Variants in AXDND1 observed in about 807,000 individuals in gnomAD.
AXDND1 encodes the protein axonemal dynein light chain domain containing 1.
AXDND1 carries 110 observed loss-of-function variants against 137.5 expected under a neutral mutation model. That is an observed-to-expected ratio of 0.80 (90% CI 0.69 to 0.94). AXDND1 has a LOEUF of 0.94. Ranked by LOEUF, AXDND1 falls within the 40% of genes least tolerant of loss-of-function variation. AXDND1 has a pLI of 0.00. For missense variants in AXDND1, 1,191 were observed against 1,169.8 expected (o/e 1.02, Z -0.26); for synonymous variants, 414 against 399.7 (o/e 1.04, Z -0.43).
At chr1:179,383,925 A>G (rs1487610643) in intron 8 of AXDND1, among the ~76,000 whole-genome samples, 1 of 152,240 alleles carries the variant, frequency 6.6e-6, no homozygotes, top group Non-Finnish European at 1.5e-5. Flanking sequence ...GGGTTTCACC[A>G]TGTTGGCCAG....
At chr1:179,391,861 G>A (rs1650259046) in intron 9 of AXDND1, among the ~76,000 whole-genome samples, 2 of 151,976 alleles carry the variant, frequency 1.3e-5, no homozygotes, top group Non-Finnish European at 2.9e-5. Context: ...TTTTATAAAG[G>A]GCTTCTTCCT....
intron 17 of AXDND1, among the ~76,000 whole-genome samples, chr1:179,475,676 A>G (rs61826032): frequency 0.1 from 15,605 of 152,204 alleles, 1,145 homozygotes; most frequent in East Asian, 0.35. Context: ...CCTTGCTCAG[A>G]TGAGATGTTG....
At chr1:179,521,577 G>A (rs1233397060) in intron 21 of AXDND1, among the ~76,000 whole-genome samples, 2 of 152,040 alleles carry the variant, frequency 1.3e-5, no homozygotes, top group Non-Finnish European at 2.9e-5. Context: ...TAAGAAATAT[G>A]CTGGCATTGG....
intron 25 of AXDND1, chr1:179,551,645 A>G: frequency 1.6e-6 from 1 of 630,480 alleles, no homozygotes; most frequent in Non-Finnish European, 2.8e-6. Context: ...TCACAATTTA[A>G]GGTGGAATGC....
chr1:179,528,541 G>A (rs1355380965), intron 23 of AXDND1, 110 bp downstream of exon 23: 12 of 538,670 alleles, frequency 2.2e-5, no homozygotes, highest in Non-Finnish European at 3.7e-5. Context: ...GGATTCCTAA[G>A]TCATGTATTT....
intron 21 of AXDND1, among the ~76,000 whole-genome samples, chr1:179,523,719 T>G (rs540130413): frequency 2.4e-4 from 37 of 152,282 alleles, no homozygotes; most frequent in African/African-American, 7.7e-4. Context: ...CATTCCTTTT[T>G]TTTTCCCAAT....
intron 20 of AXDND1, among the ~76,000 whole-genome samples, chr1:179,504,801 A>G (rs1572108597): frequency 6.6e-6 from 1 of 152,162 alleles, no homozygotes; most frequent in Non-Finnish European, 1.5e-5. Context: ...GTGATTTCAG[A>G]TAAATAAACT....
chr1:179,473,347 A>G (rs188427675), intron 17 of AXDND1, among the ~76,000 whole-genome samples: 73 of 152,084 alleles, frequency 4.8e-4, no homozygotes, highest in Non-Finnish European at 9.0e-4. Flanking sequence ...AAAATATAAA[A>G]ATTAGCTGGG....
intron 17 of AXDND1, among the ~76,000 whole-genome samples, chr1:179,469,635 A>G (rs1004158477): frequency 5.9e-5 from 9 of 152,196 alleles, no homozygotes; most frequent in Non-Finnish European, 8.8e-5. Flanking sequence ...ACACAATTTT[A>G]CATTCACATC....
rs190679217 is a variant in AXDND1 at position 179,521,359 on chromosome 1, T to A, written c.2497-3975T>A. Among the ~76,000 whole-genome samples the A allele has an allele frequency of 9.7e-4, 148 of 152,354 alleles. 1 individual carries two copies. Among genetic ancestry groups the A allele is most frequent in the Middle Eastern group, 3.4e-3 (1 of 294 alleles). On this transcript the variant is annotated intron_variant, in intron 21 of 25. Coordinates refer to ENST00000367618, the MANE Select transcript of AXDND1 (RefSeq NM_144696.6). Reference sequence around the variant, plus strand: ...TGTTTTTAGTAGTTTTTCAGTGGATTCTTTGGGGTTTTCTAGATACTTAAT... The same window carrying A: ...TGTTTTTAGTAGTTTTTCAGTGGATACTTTGGGGTTTTCTAGATACTTAAT...
chr1:179,554,272 A>G (rs1217025055), intron 25 of AXDND1, among the ~76,000 whole-genome samples: 1 of 152,178 alleles, frequency 6.6e-6, no homozygotes, highest in Non-Finnish European at 1.5e-5. Context: ...CATAGAGAAA[A>G]AAATAATCAG....
At chr1:179,420,656 AT>A (rs1655541464) in intron 12 of AXDND1, among the ~76,000 whole-genome samples, 1 of 114,520 alleles carries the variant, frequency 8.7e-6, no homozygotes, top group South Asian at 2.7e-4. Context: ...TTTTTTTTCC[AT>A]TTTCCCCCTG....
chr1:179,523,597 T>C (rs187326997), intron 21 of AXDND1, among the ~76,000 whole-genome samples: 1 of 152,332 alleles, frequency 6.6e-6, no homozygotes, highest in East Asian at 1.9e-4. Flanking sequence ...TGGATTTGCC[T>C]ATTCTGGACA....
At chr1:179,466,276 CTTCTTCTTCTT>C (rs1223987856) in intron 16 of AXDND1, among the ~76,000 whole-genome samples, 1,567 of 121,386 alleles carry the variant, frequency 0.013, 45 homozygotes, top group African/African-American at 0.046. Flanking sequence ...TTTCTTTCTT[CTTCTTCTTCTT>C]TTTTTTTTTT....
At chr1:179,438,538 AAT>A (rs1203137934) in intron 15 of AXDND1, among the ~76,000 whole-genome samples, 1 of 152,224 alleles carries the variant, frequency 6.6e-6, no homozygotes, top group African/African-American at 2.4e-5. Context: ...CCAAGGAAAC[AAT>A]AGCAAAAATT....
chr1:179,540,630 C>T (rs1334045372), intron 25 of AXDND1, among the ~76,000 whole-genome samples: 1 of 152,186 alleles, frequency 6.6e-6, no homozygotes, highest in Admixed American at 6.5e-5. Flanking sequence ...TGTCTGTCGG[C>T]CCCAACTGGG....
At chr1:179,504,719 AG>A (rs2125625586) in intron 20 of AXDND1, among the ~76,000 whole-genome samples, 1 of 152,008 alleles carries the variant, frequency 6.6e-6, no homozygotes, top group East Asian at 1.9e-4. Flanking sequence ...CATCTCTTTG[AG>A]GACCTACACT....
rs1673789444 is a variant in AXDND1, at chr1:179,554,505, A to G, written c.3032-7A>G. The G allele has an allele frequency of 1.2e-6, 2 of 1,614,150 alleles. No homozygotes were observed. The highest frequency in any genetic ancestry group is 1.3e-5 in the African/African-American group (1 of 75,040). On this transcript the variant is annotated splice_region_variant and splice_polypyrimidine_tract_variant and intron_variant, in intron 25 of 25. Transcript: ENST00000367618. Reference sequence around the variant, plus strand: ...CTATTCTCTCCACTTTGATTCCCCAAATACAGGTCACTGAATCCAAGGCAA... The same window carrying G: ...CTATTCTCTCCACTTTGATTCCCCAGATACAGGTCACTGAATCCAAGGCAA...
intron 12 of AXDND1, among the ~76,000 whole-genome samples, chr1:179,418,821 G>A (rs1177311228): frequency 4.6e-5 from 7 of 151,906 alleles, no homozygotes; most frequent in Admixed American, 2.6e-4. Context: ...CTTCTCAGAC[G>A]GGGCGGCTGC....
Sources: gnomAD v4.1 joint callset for allele counts (sites outside exome capture counted in the v4.1 genomes callset) on GRCh38, gnomAD v4.1.1 for gene constraint, MANE v1.5 for transcripts, NCBI Gene and HGNC (gene_info 2026-07-23, HGNC 2026-07-21) for gene names.